Variants in NAALADL2 observed in about 807,000 individuals in gnomAD.
NAALADL2 encodes inactive N-acetylated-alpha-linked acidic dipeptidase-like protein 2.
NAALADL2 carries 76 observed loss-of-function variants against 87.2 expected under a neutral mutation model. The observed-to-expected ratio is 0.87, with a 90% confidence interval of 0.72 to 1.05. The LOEUF (loss-of-function observed/expected upper bound fraction) is 1.05. Among genes scored for constraint, NAALADL2 ranks in the 50% least tolerant of loss-of-function variants. NAALADL2 has a pLI of 0.00. For synonymous variants in NAALADL2, 354 were observed against 331.0 expected, an observed-to-expected ratio of 1.07 and a Z score of -0.75; for missense variants, 1,089 against 945.8, an observed-to-expected ratio of 1.15 and a Z score of -1.99.
At chr3:174,736,522 A>G (rs923692216) in intron 2 of NAALADL2, among the ~76,000 whole-genome samples, 1 of 151,968 alleles carries the variant, frequency 6.6e-6, no homozygotes, top group Non-Finnish European at 1.5e-5. Flanking sequence ...TTGTCCCATC[A>G]TCTCTTCAGC....
chr3:175,062,504 G>A (rs1490554690), intron 1 of NAALADL2, among the ~76,000 whole-genome samples: 2 of 151,422 alleles, frequency 1.3e-5, no homozygotes, highest in African/African-American at 4.9e-5. Context: ...GTGTGTGTGT[G>A]TGTGTGTGTG....
At chr3:174,819,345 A>T (rs926823505) in intron 3 of NAALADL2, among the ~76,000 whole-genome samples, 18 of 151,946 alleles carry the variant, frequency 1.2e-4, no homozygotes, top group Non-Finnish European at 1.5e-5. Flanking sequence ...GATTACAAGC[A>T]TGAGCCATTG....
At chr3:174,872,416 C>T (rs1727945220) in intron 1 of NAALADL2, among the ~76,000 whole-genome samples, 1 of 152,108 alleles carries the variant, frequency 6.6e-6, no homozygotes, top group Admixed American at 6.6e-5. Flanking sequence ...CTGTCTGACT[C>T]ATATAATGAT....
intron 1 of NAALADL2, among the ~76,000 whole-genome samples, chr3:175,016,277 A>ATG (rs60595167): frequency 6.8e-6 from 1 of 147,822 alleles, no homozygotes. Context: ...ATATATATAT[A>ATG]AAAAACAATA....
intron 1 of NAALADL2, among the ~76,000 whole-genome samples, chr3:175,019,698 T>C (rs34695837): frequency 6.6e-6 from 1 of 152,068 alleles, no homozygotes; most frequent in East Asian, 1.9e-4. Context: ...CGTTAAGCAG[T>C]TGCTGAGCCT....
At chr3:174,717,213 A>C (rs1431057964) in intron 2 of NAALADL2, among the ~76,000 whole-genome samples, 1 of 152,178 alleles carries the variant, frequency 6.6e-6, no homozygotes, top group African/African-American at 2.4e-5. Context: ...TTAAAGCATC[A>C]TCTACCTCTC....
intron 2 of NAALADL2, among the ~76,000 whole-genome samples, chr3:174,592,319 C>T (rs1717454497): frequency 6.6e-6 from 1 of 151,824 alleles, no homozygotes; most frequent in East Asian, 1.9e-4. Flanking sequence ...ACATATGTAT[C>T]TAAACATGTG....
intron 3 of NAALADL2, among the ~76,000 whole-genome samples, chr3:174,852,878 A>C (rs1429639670): frequency 1.3e-5 from 2 of 152,150 alleles, no homozygotes. Context: ...GATGGAGCAG[A>C]ATAAACAAAA....
intron 1 of NAALADL2, among the ~76,000 whole-genome samples, chr3:174,539,480 T>C (rs1722025016): frequency 6.6e-6 from 1 of 152,196 alleles, no homozygotes; most frequent in Non-Finnish European, 1.5e-5. Context: ...TAACCCAGTG[T>C]GGATTCTGTC....
At chr3:175,083,579 C>T (rs1037340344) in intron 1 of NAALADL2, among the ~76,000 whole-genome samples, 7 of 152,062 alleles carry the variant, frequency 4.6e-5, no homozygotes, top group African/African-American at 1.7e-4. Flanking sequence ...ATTGTGGATG[C>T]AGAATTCAAA....
At chr3:175,300,293 G>A (rs1306204593) in intron 4 of NAALADL2, among the ~76,000 whole-genome samples, 1 of 152,132 alleles carries the variant, frequency 6.6e-6, no homozygotes, top group Non-Finnish European at 1.5e-5. Flanking sequence ...TCAGGATGAT[G>A]CTGGCCTCAT....
At chr3:175,447,469 T>C (rs904991397) in intron 6 of NAALADL2, 97 bp downstream of exon 6, 1 of 775,176 alleles carries the variant, frequency 1.3e-6, no homozygotes, top group African/African-American at 1.8e-5. Flanking sequence ...ATTATTCTTT[T>C]CAAAAACATT....
At chr3:174,981,571 G>A (rs1032698329) in intron 1 of NAALADL2, among the ~76,000 whole-genome samples, 10 of 152,044 alleles carry the variant, frequency 6.6e-5, no homozygotes, top group Non-Finnish European at 1.3e-4. Context: ...AATAAATAAT[G>A]TAATAAATAA....
At chr3:175,794,910 C>A (rs1362578076) in intron 13 of NAALADL2, among the ~76,000 whole-genome samples, 1 of 152,202 alleles carries the variant, frequency 6.6e-6, no homozygotes, top group African/African-American at 2.4e-5. Context: ...CTGGGAAGTT[C>A]AAGATCAGGG....
intron 3 of NAALADL2, among the ~76,000 whole-genome samples, chr3:174,822,551 G>C (rs933168557): frequency 2.0e-5 from 3 of 152,112 alleles, no homozygotes; most frequent in Admixed American, 2.0e-4. Flanking sequence ...ATGGATAACT[G>C]GACTTGGGAA....
Position 175,221,025 on chromosome 3 carries a change from C to G in NAALADL2, c.546-12906C>G, listed in dbSNP as rs191803742. 1.6e-3 allele frequency among the ~76,000 whole-genome samples: 250 copies of G among 151,824 alleles called. 1 individual carries two copies. Among genetic ancestry groups the G allele is most frequent in the African/African-American group, 5.7e-3 (238 of 41,442 alleles). On this transcript the variant is annotated intron_variant, in intron 2 of 13. Transcript: ENST00000454872. ...TAGCCTGGCCAACATGGTAAAACTC[C>G]ATCTCTACAAAAATACAAAAAAATT...
chr3:175,540,353 G>A (rs1712091948), intron 9 of NAALADL2, among the ~76,000 whole-genome samples: 1 of 152,118 alleles, frequency 6.6e-6, no homozygotes, highest in Non-Finnish European at 1.5e-5. Flanking sequence ...GTATGTTAGA[G>A]GGCGATCAAA....
intron 10 of NAALADL2, among the ~76,000 whole-genome samples, chr3:175,624,821 T>C (rs1470057681): frequency 6.6e-6 from 1 of 152,002 alleles, no homozygotes; most frequent in Non-Finnish European, 1.5e-5. Context: ...TGATTCACAT[T>C]TTTAAGATTG....
At chr3:175,135,148 C>T (rs1452974915) in intron 2 of NAALADL2, among the ~76,000 whole-genome samples, 3 of 152,030 alleles carry the variant, frequency 2.0e-5, no homozygotes, top group South Asian at 4.1e-4. Context: ...ACAGTTTAAA[C>T]GTTTATGCTT....
Sources: allele counts gnomAD v4.1 joint callset (sites outside exome capture counted in the v4.1 genomes callset), GRCh38; gene constraint gnomAD v4.1.1; transcripts MANE v1.5; gene names NCBI Gene and HGNC (gene_info 2026-07-23, HGNC 2026-07-21).